DENND1A: variants seen among roughly 807,000 people sequenced by gnomAD.
DENND1A encodes the protein DENN domain-containing protein 1A.
A neutral mutation model predicts 113.7 loss-of-function variants in DENND1A; 51 were observed. The ratio of observed to expected loss-of-function variants is 0.45; its 90% CI spans 0.36 to 0.57. The LOEUF is 0.57. Among genes scored for constraint, DENND1A ranks in the 20% least tolerant of loss-of-function variants. The pLI is 0.00. For synonymous variants in DENND1A, 565 were observed against 570.8 expected (o/e 0.99, Z 0.14); for missense variants, 1,258 against 1,395.9 (o/e 0.90, Z 1.57).
chr9:123,524,425 T>C (rs1351827727), intron 13 of DENND1A, among the ~76,000 whole-genome samples: 1 of 152,206 alleles, frequency 6.6e-6, no homozygotes, highest in African/African-American at 2.4e-5. Flanking sequence ...CGCAAAAGCC[T>C]TCATGGGTCC....
chr9:123,587,783 A>T (rs1308361445), intron 11 of DENND1A, among the ~76,000 whole-genome samples: 1 of 152,186 alleles, frequency 6.6e-6, no homozygotes, highest in East Asian at 1.9e-4. Context: ...AATAATCAGG[A>T]GCATTTCATC....
intron 13 of DENND1A, among the ~76,000 whole-genome samples, chr9:123,551,717 T>C (rs2057055724): frequency 6.6e-6 from 1 of 152,168 alleles, no homozygotes. Flanking sequence ...TTTCTGACCC[T>C]GAGAGAGTCC....
intron 3 of DENND1A, among the ~76,000 whole-genome samples, chr9:123,772,060 C>T (rs934081731): frequency 1.3e-5 from 2 of 152,000 alleles, no homozygotes; most frequent in African/African-American, 4.8e-5. Flanking sequence ...CATATTATCG[C>T]AATTGGAACT....
At chr9:123,801,282 A>G (rs1260100259) in intron 2 of DENND1A, among the ~76,000 whole-genome samples, 1 of 152,122 alleles carries the variant, frequency 6.6e-6, no homozygotes, top group Non-Finnish European at 1.5e-5. Flanking sequence ...ATCTTCCCCA[A>G]CTGAAACCTT....
intron 2 of DENND1A, among the ~76,000 whole-genome samples, chr9:123,854,417 T>C (rs943098253): frequency 7.2e-5 from 11 of 152,102 alleles, no homozygotes; most frequent in South Asian, 4.1e-4. Context: ...AAAATGAAGC[T>C]GGGCACGGTG....
At chr9:123,914,197 G>A (rs1489353757) in intron 1 of DENND1A, among the ~76,000 whole-genome samples, 2 of 151,932 alleles carry the variant, frequency 1.3e-5, no homozygotes, top group Admixed American at 1.3e-4. Flanking sequence ...GTCTTGAAGG[G>A]CACCTGTGTT....
At chr9:123,753,433 T>C (rs781181443) in intron 5 of DENND1A, among the ~76,000 whole-genome samples, 20 of 152,252 alleles carry the variant, frequency 1.3e-4, no homozygotes, top group Non-Finnish European at 2.6e-4. Context: ...GGCTTAACCC[T>C]TCATGGACAA....
At chr9:123,651,407 T>TGCGC (rs59720799) in intron 9 of DENND1A, among the ~76,000 whole-genome samples, 32 of 152,326 alleles carry the variant, frequency 2.1e-4, no homozygotes, top group African/African-American at 7.2e-4. Flanking sequence ...CGTGCGCACA[T>TGCGC]GCGCGCACAC....
chr9:123,628,962 G>A (rs1735095613), intron 10 of DENND1A, among the ~76,000 whole-genome samples: 2 of 152,214 alleles, frequency 1.3e-5, no homozygotes, highest in South Asian at 2.1e-4. Context: ...CTATGCATGA[G>A]AGAGGGCCAC....
intron 13 of DENND1A, among the ~76,000 whole-genome samples, chr9:123,498,992 G>A (rs964890663): frequency 2.0e-5 from 3 of 151,694 alleles, no homozygotes; most frequent in Admixed American, 2.0e-4. Flanking sequence ...TAAAGTGCTG[G>A]GATTACAGGC....
intron 5 of DENND1A, among the ~76,000 whole-genome samples, chr9:123,756,779 G>T (rs1435092732): frequency 2.0e-5 from 3 of 152,216 alleles, no homozygotes; most frequent in Admixed American, 6.5e-5. Context: ...TTGATGAGAA[G>T]AAGAAAGTGC....
chr9:123,876,079 A>C (rs1184613815), intron 2 of DENND1A, among the ~76,000 whole-genome samples: 1 of 152,246 alleles, frequency 6.6e-6, no homozygotes, highest in African/African-American at 2.4e-5. Flanking sequence ...TACTGGATGC[A>C]CTGAAAAATA....
intron 9 of DENND1A, among the ~76,000 whole-genome samples, chr9:123,640,697 G>A (rs952861753): frequency 2.6e-5 from 4 of 152,222 alleles, no homozygotes; most frequent in Non-Finnish European, 4.4e-5. Flanking sequence ...GCCCAGTGCT[G>A]GGCTCTGTGC....
At chr9:123,744,404 G>T (rs2069293018) in intron 5 of DENND1A, among the ~76,000 whole-genome samples, 1 of 152,056 alleles carries the variant, frequency 6.6e-6, no homozygotes, top group South Asian at 2.1e-4. Flanking sequence ...CCTTAAAATT[G>T]TTTCTAACTT....
intron 12 of DENND1A, among the ~76,000 whole-genome samples, chr9:123,574,779 G>C (rs1320061148): frequency 2.0e-5 from 3 of 152,124 alleles, no homozygotes; most frequent in Non-Finnish European, 4.4e-5. Context: ...AAACAAAACA[G>C]AACAGCCACA....
At chr9:123,689,210 A>C (rs2065013458) in intron 5 of DENND1A, among the ~76,000 whole-genome samples, 1 of 152,100 alleles carries the variant, frequency 6.6e-6, no homozygotes, top group African/African-American at 2.4e-5. Flanking sequence ...TTTTTAGTAA[A>C]GACGGGGTTT....
At chr9:123,778,337 T>C (rs533392040) in intron 3 of DENND1A, among the ~76,000 whole-genome samples, 10 of 152,232 alleles carry the variant, frequency 6.6e-5, no homozygotes, top group Non-Finnish European at 1.3e-4. Flanking sequence ...TGAAACATCA[T>C]ACAGTACAGA....
In DENND1A at chr9:123,902,726, A is replaced by G. The variant is rs865859095; in HGVS notation, c.18-23705T>C. ...AAACTGACATCCTTAAATAGAACAGAGAAAAAAAAAACACCACCTCTATAA... is the reference window on the plus strand; with the variant it reads ...AAACTGACATCCTTAAATAGAACAGGGAAAAAAAAAACACCACCTCTATAA... On this transcript the variant is annotated intron_variant, in intron 1 of 23. Transcript: ENST00000394215. 1.5e-4 allele frequency among the ~76,000 whole-genome samples: 22 copies of G among 150,952 alleles called. 1 individual carries two copies. Among genetic ancestry groups the G allele is most frequent in the African/African-American group, 5.1e-4 (21 of 41,242 alleles).
intron 11 of DENND1A, among the ~76,000 whole-genome samples, chr9:123,591,577 C>T (rs989082168): frequency 1.3e-5 from 2 of 152,230 alleles, no homozygotes; most frequent in African/African-American, 4.8e-5. Flanking sequence ...CAGGCCAGCA[C>T]TGAGTGAATC....
Sources: allele counts gnomAD v4.1 joint callset (sites outside exome capture counted in the v4.1 genomes callset), GRCh38; gene constraint gnomAD v4.1.1; transcripts MANE v1.5; gene names NCBI Gene and HGNC (gene_info 2026-07-23, HGNC 2026-07-21).